The following ARHGEF12 variants were observed in gnomAD, a reference collection of about 807,000 sequenced individuals.
ARHGEF12 encodes the protein KMT2A/ARHGEF12 fusion protein.
ARHGEF12 carries 66 observed loss-of-function variants against 211.2 expected under a neutral mutation model. That is an observed-to-expected ratio of 0.31 (90% CI 0.26 to 0.38). The LOEUF is 0.38. Ranked by LOEUF, ARHGEF12 falls within the 10% of genes least tolerant of loss-of-function variation. ARHGEF12 has a pLI of 1.00. For synonymous variants in ARHGEF12, 592 were observed against 638.4 expected, an observed-to-expected ratio of 0.93 and a Z score of 1.09; for missense variants, 1,429 against 1,869.5, an observed-to-expected ratio of 0.76 and a Z score of 4.34.
At chr11:120,360,197 T>C (rs550636266) in intron 1 of ARHGEF12, among the ~76,000 whole-genome samples, 11 of 152,266 alleles carry the variant, frequency 7.2e-5, no homozygotes, top group Non-Finnish European at 1.6e-4. Flanking sequence ...AGTTTTGTGA[T>C]GAGGGAAAGT....
At chr11:120,350,479 C>T (rs898282107) in intron 1 of ARHGEF12, among the ~76,000 whole-genome samples, 2 of 148,318 alleles carry the variant, frequency 1.3e-5, no homozygotes, top group East Asian at 2.0e-4. Flanking sequence ...CACGCCACTG[C>T]ACTCCAGCCT....
intron 1 of ARHGEF12, among the ~76,000 whole-genome samples, chr11:120,344,122 C>T (rs1191516585): frequency 6.6e-6 from 1 of 151,630 alleles, no homozygotes; most frequent in Non-Finnish European, 1.5e-5. Flanking sequence ...AAAAATGAGC[C>T]GGACCAGGTG....
chr11:120,444,716 G>A (rs1311124446), intron 15 of ARHGEF12, among the ~76,000 whole-genome samples: 1 of 152,132 alleles, frequency 6.6e-6, no homozygotes, highest in East Asian at 1.9e-4. Flanking sequence ...AAATAATAAA[G>A]TATTCCCCTC....
intron 1 of ARHGEF12, among the ~76,000 whole-genome samples, chr11:120,354,591 A>G (rs556420789): frequency 6.6e-6 from 1 of 152,320 alleles, no homozygotes; most frequent in South Asian, 2.1e-4. Flanking sequence ...AGAGATATTT[A>G]GGTGTGTTGT....
intron 26 of ARHGEF12, among the ~76,000 whole-genome samples, 198 bp from the exon 27 acceptor site, chr11:120,460,474 G>A (rs1401114206): frequency 1.3e-5 from 2 of 151,974 alleles, no homozygotes; most frequent in Non-Finnish European, 2.9e-5. Context: ...TTTTTGTTTA[G>A]CACCTGTTTT....
chr11:120,427,224 C>A (rs1175855055), intron 7 of ARHGEF12, among the ~76,000 whole-genome samples: 1 of 152,052 alleles, frequency 6.6e-6, no homozygotes, highest in African/African-American at 2.4e-5. Context: ...CGCAATATGT[C>A]TACTGAATTC....
chr11:120,451,607 C>T lies in ARHGEF12; in HGVS notation c.1939C>T (p.Arg647Cys), dbSNP rs1457850226. 3.1e-6 allele frequency: 5 copies of T among 1,614,126 alleles called. No homozygotes were observed. Among genetic ancestry groups the T allele is most frequent in the Admixed American group, 1.7e-5 (1 of 60,010 alleles). ...TGAACCTCAGGACTCTGCCAAGTTG[C>T]GCCAGAGTGGGTTAGCAAATGAAGG... Reference protein sequence around the residue: ...SPEPQDSAKLRQSGLANEGTD... With the variant: ...SPEPQDSAKLCQSGLANEGTD... The change falls in exon 22 of 41, where the codon CGC becomes TGC. Residue 647 changes from arginine (R) to cysteine (C), a missense_variant. Coordinates refer to ENST00000397843, the MANE Select transcript of ARHGEF12 (RefSeq NM_015313.3).
Position 120,355,680 on chromosome 11 carries a change from A to G in ARHGEF12, c.32+18405A>G, listed in dbSNP as rs1368992288. Among the ~76,000 whole-genome samples the G allele has an allele frequency of 5.9e-5, 9 of 152,328 alleles. No individual in the cohort carries two copies. The East Asian group carries it at 1.5e-3, about 26-fold the overall frequency. ...TATGATTGTGTCAGTCTACTTCAGC[A>G]TGGGCTACAGAGTGAGACTCTGTCT... On this transcript the variant is annotated intron_variant, in intron 1 of 40. Coordinates refer to ENST00000397843, the MANE Select transcript of ARHGEF12 (RefSeq NM_015313.3).
chr11:120,410,397 T>C (rs948729880), intron 4 of ARHGEF12: 3 of 152,074 alleles, frequency 2.0e-5, no homozygotes, highest in Non-Finnish European at 2.9e-5. Flanking sequence ...ATAAATTATT[T>C]CTTTTTTTAG....
rs761103957 is a variant in ARHGEF12, at chr11:120,424,341, C to A, written c.349-17C>A. ...AATAGAATGTATCTGACATACACTA[C>A]TTTCGTTTTCTTACAGGTGAATGGA... On this transcript the variant is annotated splice_polypyrimidine_tract_variant and intron_variant, in intron 6 of 40. Transcript: ENST00000397843. 3.1e-6 allele frequency: 5 copies of A among 1,606,974 alleles called. No homozygotes were observed. The South Asian group carries it at 5.5e-5, about 18-fold the overall frequency.
At chr11:120,362,845 A>G (rs991181030) in intron 1 of ARHGEF12, among the ~76,000 whole-genome samples, 22 of 152,222 alleles carry the variant, frequency 1.4e-4, no homozygotes, top group Non-Finnish European at 1.5e-4. Flanking sequence ...TCATGCCTGT[A>G]ATCCCAGCAG....
At chr11:120,357,274 G>T (rs547094965) in intron 1 of ARHGEF12, among the ~76,000 whole-genome samples, 1 of 152,248 alleles carries the variant, frequency 6.6e-6, no homozygotes, top group South Asian at 2.1e-4. Flanking sequence ...GATTACAGGT[G>T]TGAGCCACCA....
At chr11:120,429,611 G>A in intron 9 of ARHGEF12, 94 bp downstream of exon 9, 8 of 1,557,452 alleles carry the variant, frequency 5.1e-6, no homozygotes, top group Non-Finnish European at 2.6e-6. Context: ...AAGCAGCATT[G>A]TAACCAATGC....
At chr11:120,348,777 G>A (rs1198858483) in intron 1 of ARHGEF12, among the ~76,000 whole-genome samples, 1 of 152,012 alleles carries the variant, frequency 6.6e-6, no homozygotes, top group African/African-American at 2.4e-5. Flanking sequence ...GGAGGTGGAG[G>A]TTCAAGCGAG....
intron 39 of ARHGEF12, among the ~76,000 whole-genome samples, chr11:120,482,051 G>A (rs561574487): frequency 5.3e-5 from 8 of 152,112 alleles, no homozygotes; most frequent in Non-Finnish European, 8.8e-5. Flanking sequence ...GAGCCACCGC[G>A]CCCAGTCGGC....
At chr11:120,470,521 G>A (rs985125152) in intron 30 of ARHGEF12, among the ~76,000 whole-genome samples, 1 of 152,190 alleles carries the variant, frequency 6.6e-6, no homozygotes, top group African/African-American at 2.4e-5. Flanking sequence ...TAAGCAGTTG[G>A]CTGTATGGGC....
At chr11:120,471,670 T>C (rs375418677) in intron 30 of ARHGEF12, among the ~76,000 whole-genome samples, 2 of 152,236 alleles carry the variant, frequency 1.3e-5, no homozygotes, top group African/African-American at 2.4e-5. Context: ...AGTGTACTTA[T>C]GTCTGTAATT....
chr11:120,413,623 CTCT>C (rs1160901962), intron 4 of ARHGEF12, among the ~76,000 whole-genome samples: 3 of 152,188 alleles, frequency 2.0e-5, no homozygotes, highest in African/African-American at 7.2e-5. Flanking sequence ...GAATTTAAGG[CTCT>C]TCTTGCTGGC....
chr11:120,340,185 C>T (rs964639608), intron 1 of ARHGEF12, among the ~76,000 whole-genome samples: 1 of 152,154 alleles, frequency 6.6e-6, no homozygotes. Context: ...TCCAATCCTC[C>T]TACATGTCTT....
Sources: gnomAD v4.1 joint callset for allele counts (sites outside exome capture counted in the v4.1 genomes callset) on GRCh38, gnomAD v4.1.1 for gene constraint, MANE v1.5 for transcripts, NCBI Gene and HGNC (gene_info 2026-07-23, HGNC 2026-07-21) for gene names.